The following HECTD2 variants were observed in gnomAD, a reference collection of about 807,000 sequenced individuals.
The protein encoded by HECTD2 is HECT domain E3 ubiquitin protein ligase 2.
Under a neutral mutation model 103.2 loss-of-function variants are expected in HECTD2, and 35 were observed. The observed-to-expected ratio is 0.34, with a 90% CI of 0.26 to 0.45. HECTD2 has a LOEUF of 0.45. Among genes scored for constraint, HECTD2 ranks in the 20% least tolerant of loss-of-function variants. The probability of loss-of-function intolerance (pLI) is 1.00; values close to 1 mark genes in which losing one functional copy is unlikely to be tolerated. For synonymous variants in HECTD2, 281 were observed against 329.9 expected (o/e 0.85, Z 1.61); for missense variants, 596 against 937.4 (o/e 0.64, Z 4.76).
chr10:91,459,006 A>G (rs1427451514), intron 2 of HECTD2, among the ~76,000 whole-genome samples: 1 of 152,050 alleles, frequency 6.6e-6, no homozygotes, highest in East Asian at 1.9e-4. Flanking sequence ...TCTAAACTAT[A>G]TAAGGAGCTT....
chr10:91,425,164 T>A (rs541953918), intron 1 of HECTD2, 117 bp from the exon 2 acceptor site: 38 of 805,704 alleles, frequency 4.7e-5, no homozygotes, highest in Non-Finnish European at 6.3e-5. Context: ...TATACGTTTT[T>A]ATCTATTATC....
chr10:91,474,928 G>T (rs1845850971), intron 5 of HECTD2, among the ~76,000 whole-genome samples: 1 of 152,170 alleles, frequency 6.6e-6, no homozygotes, highest in African/African-American at 2.4e-5. Context: ...ATCTGTGAGA[G>T]CAGCGCACTA....
intron 1 of HECTD2, among the ~76,000 whole-genome samples, chr10:91,421,198 C>T (rs1315550786): frequency 1.3e-5 from 2 of 152,154 alleles, no homozygotes; most frequent in East Asian, 1.9e-4. Flanking sequence ...TTCATAGTTG[C>T]CCATTTCCGT....
intron 7 of HECTD2, 56 bp downstream of exon 7, chr10:91,481,195 G>C (rs1305405128): frequency 7.4e-6 from 6 of 807,990 alleles, no homozygotes; most frequent in Non-Finnish European, 1.2e-5. Flanking sequence ...ATCCCTACAT[G>C]TGTATGTGAA....
Position 91,478,209 on chromosome 10 carries a change from C to T in HECTD2, c.609C>T (p.Asp203=), listed in dbSNP as rs894042831. 3.7e-6 allele frequency: 6 copies of T among 1,608,176 alleles called. 1 individual carries two copies. Among genetic ancestry groups the T allele is most frequent in the Admixed American group, 3.3e-5 (2 of 59,932 alleles). ...VYDTLLNTPQ[D]VQKTVLKGII... ...TTTTCTTTTGCCTACAGCCTCAAGA[C>T]GTTCAGAAGACAGTATTAAAGGGAA... Residue 203 remains aspartate, a synonymous_variant, in exon 6 of 21, where the codon GAC becomes GAT. Coordinates refer to ENST00000298068, the MANE Select transcript of HECTD2 (RefSeq NM_182765.6).
At chr10:91,509,229 C>T (rs188337655) in intron 20 of HECTD2, among the ~76,000 whole-genome samples, 1 of 151,414 alleles carries the variant, frequency 6.6e-6, no homozygotes, top group Non-Finnish European at 1.5e-5. Flanking sequence ...ACGTATGTAA[C>T]TAACCTGCAC....
chr10:91,477,946 C>G (rs981823524), intron 5 of HECTD2, among the ~76,000 whole-genome samples: 16 of 152,118 alleles, frequency 1.1e-4, no homozygotes, highest in African/African-American at 3.9e-4. Context: ...TATAAAAATT[C>G]TGTTGGTCAT....
chr10:91,459,589 C>A (rs1470461798), intron 2 of HECTD2, among the ~76,000 whole-genome samples: 2 of 152,020 alleles, frequency 1.3e-5, no homozygotes, highest in Non-Finnish European at 2.9e-5. Context: ...GGTGTGATTT[C>A]TTTCATATAA....
chr10:91,462,344 A>C, intron 5 of HECTD2, 160 bp downstream of exon 5: 1 of 1,094,904 alleles, frequency 9.1e-7, no homozygotes, highest in Non-Finnish European at 1.2e-6. Flanking sequence ...AGATTATTTT[A>C]TTCTTTTATT....
In HECTD2 at chr10:91,499,131, G is replaced by C; in HGVS notation, c.1931G>C (p.Cys644Ser). The C allele has an allele frequency of 6.2e-7, 1 of 1,609,306 alleles. No individual in the cohort carries two copies. The highest frequency in any genetic ancestry group is 8.5e-7 in the Non-Finnish European group (1 of 1,176,032). Residue 644 changes from cysteine to serine, a missense_variant, in exon 18 of 21, where the codon TGT becomes TCT. By Grantham distance (112) the Cys-to-Ser change is moderately radical. Transcript: ENST00000298068. ...TTTTATTATGGATTTCATAGTGTGT[G>C]TGCTTCAAATGCCCTAATGGTGAGT... ...AAFYYGFHSVCASNALMLLRP... is the reference protein window; with the variant it reads ...AAFYYGFHSVSASNALMLLRP...
intron 2 of HECTD2, among the ~76,000 whole-genome samples, chr10:91,427,453 T>TTACAG (rs975257016): frequency 6.6e-6 from 1 of 152,170 alleles, no homozygotes; most frequent in African/African-American, 2.4e-5. Flanking sequence ...CTGAACTAGT[T>TTACAG]TACAGTCCCA....
chr10:91,417,327 GC>G (rs2132985194), intron 1 of HECTD2, among the ~76,000 whole-genome samples: 1 of 151,898 alleles, frequency 6.6e-6, no homozygotes, highest in African/African-American at 2.4e-5. Context: ...AAATGAATGT[GC>G]CCTTTTTTTT....
chr10:91,508,577 C>T (rs1410299355), intron 20 of HECTD2, among the ~76,000 whole-genome samples: 3 of 149,950 alleles, frequency 2.0e-5, no homozygotes, highest in African/African-American at 7.4e-5. Context: ...CAATGAGATA[C>T]CATCTCACAC....
chr10:91,507,657 G>C lies in HECTD2; in HGVS notation c.2211-4607G>C, dbSNP rs1247066696. 3.1e-4 allele frequency among the ~76,000 whole-genome samples: 46 copies of C among 147,814 alleles called. No homozygotes were observed. The East Asian group carries it at 7.3e-3, about 24-fold the overall frequency. On this transcript the variant is annotated intron_variant, in intron 20 of 20. Coordinates refer to ENST00000298068, the MANE Select transcript of HECTD2 (RefSeq NM_182765.6). ...AAATGGAAGAACATTCCATGCTCAT[G>C]GGTAGGAAGAATCAATATCGTGAAA...
chr10:91,484,665 T>C lies in HECTD2; in HGVS notation c.970+10T>C. The C allele has an allele frequency of 6.3e-7, 1 of 1,577,708 alleles. No homozygotes were observed. Among genetic ancestry groups the C allele is most frequent in the Non-Finnish European group, 8.6e-7 (1 of 1,166,288 alleles). On this transcript the variant is annotated intron_variant, in intron 9 of 20. Coordinates refer to ENST00000298068, the MANE Select transcript of HECTD2 (RefSeq NM_182765.6). ...GTGTTGGCTTTACTTAGTAGGTTTT[T>C]ATTATTCTATCATTTTTTACTTTTC...
chr10:91,453,487 T>C (rs1023383817), intron 2 of HECTD2, among the ~76,000 whole-genome samples: 9 of 152,266 alleles, frequency 5.9e-5, no homozygotes, highest in South Asian at 2.1e-4. Context: ...ATTTCTGCCC[T>C]TCATTCCAAC....
chr10:91,468,455 T>G (rs76801282), intron 5 of HECTD2, among the ~76,000 whole-genome samples: 1 of 152,098 alleles, frequency 6.6e-6, no homozygotes, highest in Non-Finnish European at 1.5e-5. Context: ...GAATGTCAAC[T>G]CACTCAGATG....
intron 1 of HECTD2, among the ~76,000 whole-genome samples, chr10:91,412,839 AGCT>A (rs1564694195): frequency 6.6e-6 from 1 of 152,076 alleles, no homozygotes; most frequent in Non-Finnish European, 1.5e-5. Flanking sequence ...CTTTTACAGC[AGCT>A]AGGAAGGCCT....
intron 20 of HECTD2, among the ~76,000 whole-genome samples, chr10:91,507,929 G>C (rs1465573375): frequency 2.2e-5 from 3 of 138,256 alleles, no homozygotes; most frequent in African/African-American, 3.5e-5. Context: ...CAGAGATATA[G>C]ATCAGTGGAA....
Sources: allele counts gnomAD v4.1 joint callset (sites outside exome capture counted in the v4.1 genomes callset), GRCh38; gene constraint gnomAD v4.1.1; transcripts MANE v1.5; gene names NCBI Gene and HGNC (gene_info 2026-07-23, HGNC 2026-07-21).